The following FNDC3A variants were observed in gnomAD, a reference collection of about 807,000 sequenced individuals.
FNDC3A encodes fibronectin type-III domain-containing protein 3A.
A neutral mutation model predicts 148.9 loss-of-function variants in FNDC3A; 32 were observed. The observed-to-expected ratio is 0.21, with a 90% CI of 0.16 to 0.29. The LOEUF (loss-of-function observed/expected upper bound fraction) is 0.29, where lower values mean the gene tolerates loss of function less well. Ranked by LOEUF, FNDC3A falls within the 10% of genes least tolerant of loss-of-function variation. The pLI is 1.00. For synonymous variants in FNDC3A, 472 were observed against 473.6 expected, an observed-to-expected ratio of 1.00 and a Z score of 0.04; for missense variants, 1,191 against 1,452.8, an observed-to-expected ratio of 0.82 and a Z score of 2.93.
chr13:49,068,103 CTG>C (rs1877387155), intron 2 of FNDC3A, among the ~76,000 whole-genome samples: 1 of 151,576 alleles, frequency 6.6e-6, no homozygotes, highest in Non-Finnish European at 1.5e-5. Context: ...GGAGGCCGAG[CTG>C]GGCGGATCGC....
intron 4 of FNDC3A, among the ~76,000 whole-genome samples, chr13:49,115,132 T>C (rs1018384196): frequency 6.7e-6 from 1 of 149,904 alleles, no homozygotes; most frequent in African/African-American, 2.5e-5. Flanking sequence ...TGTTGATAAT[T>C]GCATGGCATA....
In FNDC3A at chr13:49,207,066, A is replaced by T. The variant is rs1220291533; in HGVS notation, c.3283-15A>T. ...CCTTCACACGTAATTCTTCCTTCTA[A>T]TATTTTATTAACAGATTTACAAGGG... On this transcript the variant is annotated splice_polypyrimidine_tract_variant and intron_variant, in intron 25 of 25. Transcript: ENST00000492622. The T allele has an allele frequency of 2.5e-6, 4 of 1,589,636 alleles. No individual in the cohort carries two copies. Among genetic ancestry groups the T allele is most frequent in the Middle Eastern group, 1.7e-4 (1 of 5,990 alleles).
intron 2 of FNDC3A, among the ~76,000 whole-genome samples, chr13:49,067,407 A>G (rs1877337811): frequency 1.3e-5 from 2 of 152,158 alleles, no homozygotes; most frequent in Admixed American, 6.5e-5. Flanking sequence ...GCCTCAGCCA[A>G]CAAGTATTAA....
At chr13:49,045,027 T>C in intron 2 of FNDC3A, 1 of 288,978 alleles carries the variant, frequency 3.5e-6, no homozygotes, top group Non-Finnish European at 6.6e-6. Flanking sequence ...GATTTCTCCT[T>C]TCCCTTTCCT....
chr13:49,001,066 C>G (rs1184841543), intron 1 of FNDC3A, among the ~76,000 whole-genome samples: 1 of 151,794 alleles, frequency 6.6e-6, no homozygotes, highest in African/African-American at 2.4e-5. Context: ...AGTTTAGATG[C>G]CTTTTGTTGA....
chr13:49,022,021 A>G (rs139588946), intron 2 of FNDC3A, among the ~76,000 whole-genome samples: 1 of 152,332 alleles, frequency 6.6e-6, no homozygotes, highest in East Asian at 1.9e-4. Flanking sequence ...TGGGTGAACA[A>G]TTGTAAAAAG....
chr13:48,977,183 T>G lies in FNDC3A; in HGVS notation c.-40+1006T>G, dbSNP rs992772887. Among the ~76,000 whole-genome samples the G allele has an allele frequency of 7.9e-5, 12 of 152,204 alleles. 1 individual carries two copies. Among genetic ancestry groups the G allele is most frequent in the African/African-American group, 2.9e-4 (12 of 41,448 alleles). ...TAAGAGTCGCAGGCTGATGAGATTT[T>G]TTTTTTCTTTTTGCGGTATAATCAT... On this transcript the variant is annotated intron_variant, in intron 1 of 25. Transcript: ENST00000492622.
At chr13:49,038,770 G>A (rs1268270074) in intron 2 of FNDC3A, among the ~76,000 whole-genome samples, 1 of 152,190 alleles carries the variant, frequency 6.6e-6, no homozygotes, top group Non-Finnish European at 1.5e-5. Context: ...ACCTAACAAT[G>A]TTTGTGAAGA....
chr13:49,153,550 T>C (rs1347134473), intron 8 of FNDC3A, among the ~76,000 whole-genome samples: 2 of 152,254 alleles, frequency 1.3e-5, no homozygotes, highest in South Asian at 2.1e-4. Flanking sequence ...ATTTTGTCTT[T>C]TGTTTCCATT....
At chr13:49,197,637 T>C (rs1886217335) in intron 20 of FNDC3A, 88 bp from the exon 21 acceptor site, 3 of 1,058,810 alleles carry the variant, frequency 2.8e-6, no homozygotes, top group Non-Finnish European at 4.2e-6. Context: ...AATCTAGTTT[T>C]ACATGTGCTC....
chr13:48,990,899 C>T (rs1238559588), intron 1 of FNDC3A, among the ~76,000 whole-genome samples: 1 of 151,974 alleles, frequency 6.6e-6, no homozygotes, highest in Non-Finnish European at 1.5e-5. Flanking sequence ...TGAAGGTATA[C>T]AGTAATAAGT....
At chr13:49,094,959 C>A (rs1879430110) in intron 3 of FNDC3A, among the ~76,000 whole-genome samples, 2 of 151,936 alleles carry the variant, frequency 1.3e-5, no homozygotes, top group African/African-American at 4.8e-5. Context: ...ATGGAAAATA[C>A]AGATCCATGG....
intron 2 of FNDC3A, among the ~76,000 whole-genome samples, chr13:49,017,150 G>C (rs533703612): frequency 6.6e-6 from 1 of 152,006 alleles, no homozygotes; most frequent in Non-Finnish European, 1.5e-5. Flanking sequence ...CAATTCCTGG[G>C]TATCCTTGCT....
chr13:49,102,855 G>A (rs1377605855), intron 3 of FNDC3A, among the ~76,000 whole-genome samples: 1 of 151,962 alleles, frequency 6.6e-6, no homozygotes, highest in Non-Finnish European at 1.5e-5. Flanking sequence ...GCTTATTTTT[G>A]TAATATTATC....
intron 3 of FNDC3A, among the ~76,000 whole-genome samples, chr13:49,079,094 A>G (rs1226273845): frequency 6.6e-6 from 1 of 152,200 alleles, no homozygotes; most frequent in Non-Finnish European, 1.5e-5. Flanking sequence ...TTAGACATCT[A>G]AATAATTACC....
At chr13:49,150,944 A>G (rs1214432109) in intron 8 of FNDC3A, among the ~76,000 whole-genome samples, 1 of 15,536 alleles carries the variant, frequency 6.4e-5, no homozygotes. Context: ...ACTCCGTCTC[A>G]AAAAAAAAAA....
chr13:48,984,836 C>G (rs1046646451), intron 1 of FNDC3A, among the ~76,000 whole-genome samples: 1 of 152,080 alleles, frequency 6.6e-6, no homozygotes, highest in Non-Finnish European at 1.5e-5. Context: ...AGGTGCCCAC[C>G]ACCACGCCCA....
chr13:49,005,285 C>A (rs1264673075), intron 1 of FNDC3A, among the ~76,000 whole-genome samples: 1 of 151,768 alleles, frequency 6.6e-6, no homozygotes, highest in Non-Finnish European at 1.5e-5. Context: ...TACTGAATTG[C>A]AGAATGCTGT....
chr13:49,099,179 C>A (rs1364756768), intron 3 of FNDC3A, among the ~76,000 whole-genome samples: 1 of 152,074 alleles, frequency 6.6e-6, no homozygotes, highest in Non-Finnish European at 1.5e-5. Context: ...ATTAGTAGTT[C>A]ATTAAAATAA....
Sources: allele counts gnomAD v4.1 joint callset (sites outside exome capture counted in the v4.1 genomes callset), GRCh38; gene constraint gnomAD v4.1.1; transcripts MANE v1.5; gene names NCBI Gene and HGNC (gene_info 2026-07-23, HGNC 2026-07-21).